Variants in ANO2 observed in about 807,000 individuals in gnomAD.
The protein encoded by ANO2 is anoctamin-2.
ANO2 carries 101 observed loss-of-function variants against 124.2 expected under a neutral mutation model. That is an observed-to-expected ratio of 0.81 (90% CI 0.69 to 0.96). The LOEUF (loss-of-function observed/expected upper bound fraction) is 0.96. ANO2 is among the 40% of genes least tolerant of loss of function. The pLI, the probability that ANO2 is intolerant of heterozygous loss-of-function variation, is 0.00. For missense variants in ANO2, 1,293 were observed against 1,274.5 expected (o/e 1.01, Z -0.22); for synonymous variants, 486 against 482.5 (o/e 1.01, Z -0.09).
intron 10 of ANO2, among the ~76,000 whole-genome samples, chr12:5,785,935 C>A (rs1474376778): frequency 6.6e-6 from 1 of 151,910 alleles, no homozygotes; most frequent in Non-Finnish European, 1.5e-5. Flanking sequence ...TGTGTCCCAA[C>A]AGGAAAACAC....
rs923786247 is a variant in ANO2, at chr12:5,718,858, C to T, written c.1545+13662G>A. Among the ~76,000 whole-genome samples the T allele has an allele frequency of 1.1e-4, 17 of 152,304 alleles. No homozygotes were observed. The South Asian group carries it at 1.2e-3, about 11-fold the overall frequency. ...ACTTGCTGGACTGCCCTTCCCTTGG[C>T]GGCCCCAATTTCCACCGTGCAGTTT... On this transcript the variant is annotated intron_variant, in intron 14 of 24. Transcript: ENST00000682330.
In ANO2 at chr12:5,927,079, G is replaced by GTT; in HGVS notation, c.23-4276_23-4275insAA. On this transcript the variant is annotated intron_variant, in intron 1 of 24. Coordinates refer to ENST00000682330, the MANE Select transcript of ANO2 (RefSeq NM_001364791.2). ...GTCTCTTCTCCACTTCATTCCAGCT[G>GTT]CTCTGCTTCAAGTCCCTGGAATTCC... Among the ~76,000 whole-genome samples, 5 of 152,142 alleles carry GTT rather than the reference G, an allele frequency of 3.3e-5. 1 individual carries two copies. The highest frequency in any genetic ancestry group is 3.3e-4 in the Admixed American group (5 of 15,272).
intron 14 of ANO2, among the ~76,000 whole-genome samples, chr12:5,665,373 G>A (rs1412314122): frequency 6.6e-6 from 1 of 152,126 alleles, no homozygotes; most frequent in Non-Finnish European, 1.5e-5. Context: ...CTCCACTGCT[G>A]GGTGGCAGGA....
At chr12:5,600,978 T>G (rs1943912012) in intron 19 of ANO2, among the ~76,000 whole-genome samples, 1 of 152,196 alleles carries the variant, frequency 6.6e-6, no homozygotes, top group Non-Finnish European at 1.5e-5. Context: ...AAATAATGTT[T>G]TGATCAGTTT....
intron 10 of ANO2, among the ~76,000 whole-genome samples, chr12:5,784,421 C>T (rs902703504): frequency 6.6e-6 from 1 of 152,180 alleles, no homozygotes; most frequent in African/African-American, 2.4e-5. Context: ...CTGGTTCCTG[C>T]CACAGTGTAA....
chr12:5,751,780 A>G (rs1035516817), intron 10 of ANO2, among the ~76,000 whole-genome samples: 1 of 152,238 alleles, frequency 6.6e-6, no homozygotes, highest in Non-Finnish European at 1.5e-5. Context: ...AGTATACAAT[A>G]CAGTATCATT....
intron 15 of ANO2, among the ~76,000 whole-genome samples, chr12:5,637,889 T>TGCAGA (rs1338591511): frequency 6.6e-6 from 1 of 152,152 alleles, no homozygotes; most frequent in African/African-American, 2.4e-5. Context: ...TGCAGGAACT[T>TGCAGA]GCAGAGTACC....
At chr12:5,922,595 C>A in intron 2 of ANO2, 25 bp downstream of exon 2, 2 of 1,481,838 alleles carry the variant, frequency 1.3e-6, no homozygotes, top group South Asian at 1.2e-5. Flanking sequence ...CCTATCCCCC[C>A]ACCCCACCCC....
Position 5,806,068 on chromosome 12 carries a change from T to C in ANO2, c.974A>G (p.Asp325Gly). ...HDGEYDSPEDDMNDRKLLYQE... is the reference protein window; with the variant it reads ...HDGEYDSPEDGMNDRKLLYQE... The stretch of plus-strand genomic sequence containing the variant: ...CAGGCTTACCTTCCTGTCATTCATA[T>C]CGTCCTCTGGACTATCGTATTCACC... Residue 325 changes from aspartate (D) to glycine (G), a missense_variant, in exon 9 of 25, where the codon GAT becomes GGT. Asp to Gly is a moderately conservative substitution (Grantham distance 94). Coordinates refer to ENST00000682330, the MANE Select transcript of ANO2 (RefSeq NM_001364791.2). 1 of 1,613,882 alleles carries C rather than the reference T, an allele frequency of 6.2e-7. No homozygotes were observed. Among genetic ancestry groups the C allele is most frequent in the Middle Eastern group, 1.6e-4 (1 of 6,062 alleles).
chr12:5,822,439 CT>C (rs1483379464), intron 7 of ANO2, among the ~76,000 whole-genome samples: 3 of 152,200 alleles, frequency 2.0e-5, no homozygotes, highest in Non-Finnish European at 2.9e-5. Context: ...CCAGCCACCC[CT>C]GTCATTGCTC....
chr12:5,669,153 G>A (rs1947872014), intron 14 of ANO2, among the ~76,000 whole-genome samples: 1 of 152,120 alleles, frequency 6.6e-6, no homozygotes, highest in Non-Finnish European at 1.5e-5. Flanking sequence ...TCACAATATT[G>A]ATTCTTCCTA....
In ANO2 at chr12:5,908,965, C is replaced by T. The variant is rs373642632; in HGVS notation, c.534+12075G>A. Among the ~76,000 whole-genome samples the T allele has an allele frequency of 1.3e-5, 2 of 152,278 alleles. No individual in the cohort carries two copies. The highest frequency in any genetic ancestry group is 4.8e-5 in the African/African-American group (2 of 41,562). ...GAGTCCACTCAGAACAAGGGTCATCCGCCTTTTGAGCAGAATGCATCATTA... is the reference window on the plus strand; with the variant it reads ...GAGTCCACTCAGAACAAGGGTCATCTGCCTTTTGAGCAGAATGCATCATTA... On this transcript the variant is annotated intron_variant, in intron 3 of 24. Transcript: ENST00000682330. The surrounding 1 kb of genome is among the most constrained non-coding windows in gnomAD (Gnocchi z 4.7).
intron 3 of ANO2, among the ~76,000 whole-genome samples, chr12:5,888,550 G>A (rs1939140891): frequency 6.6e-6 from 1 of 152,114 alleles, no homozygotes. Context: ...GCTGACTGGT[G>A]TGTTTACAAT....
At chr12:5,816,141 T>C in intron 7 of ANO2, among the ~76,000 whole-genome samples, 1 of 128,026 alleles carries the variant, frequency 7.8e-6, no homozygotes, top group African/African-American at 3.0e-5. Flanking sequence ...TCTCCCTTTC[T>C]CTCTCTCTCT....
intron 7 of ANO2, among the ~76,000 whole-genome samples, chr12:5,820,238 A>T (rs1953742990): frequency 6.6e-6 from 1 of 152,038 alleles, no homozygotes; most frequent in Non-Finnish European, 1.5e-5. Flanking sequence ...CCCCAAGGAG[A>T]CCTCCAGCCT....
chr12:5,778,078 T>A (rs1952281927), intron 10 of ANO2, among the ~76,000 whole-genome samples: 1 of 152,248 alleles, frequency 6.6e-6, no homozygotes, highest in Non-Finnish European at 1.5e-5. Flanking sequence ...TCCACTGTTA[T>A]AACAAAGCAG....
At chr12:5,804,096 C>T (rs535171186) in intron 9 of ANO2, among the ~76,000 whole-genome samples, 1 of 152,314 alleles carries the variant, frequency 6.6e-6, no homozygotes, top group Admixed American at 6.5e-5. Context: ...ATGCAGGGGT[C>T]CTTCCTTGCA....
Position 5,908,729 on chromosome 12 carries a change from G to A in ANO2, c.534+12311C>T, listed in dbSNP as rs541627681. On this transcript the variant is annotated intron_variant, in intron 3 of 24. Coordinates refer to ENST00000682330, the MANE Select transcript of ANO2 (RefSeq NM_001364791.2). The surrounding 1 kb of genome is among the most constrained non-coding windows in gnomAD (Gnocchi z 4.7). ...GAGGCCTCCTAAGTGCATCTGTCCC[G>A]CTCAGCAGACAGTGACACAGCTAAC... Among the ~76,000 whole-genome samples the A allele has an allele frequency of 2.6e-5, 4 of 152,302 alleles. No homozygotes were observed. The highest frequency in any genetic ancestry group is 4.8e-5 in the African/African-American group (2 of 41,552).
At chr12:5,685,236 A>G (rs1196049300) in intron 14 of ANO2, among the ~76,000 whole-genome samples, 1 of 152,190 alleles carries the variant, frequency 6.6e-6, no homozygotes, top group East Asian at 1.9e-4. Flanking sequence ...ATCAGGCTCA[A>G]TGGGCTGTCT....
Sources: gnomAD v4.1 joint callset for allele counts (sites outside exome capture counted in the v4.1 genomes callset) on GRCh38, gnomAD v4.1.1 for gene constraint, Gnocchi (gnomAD v3.1) non-coding constraint, MANE v1.5 for transcripts, NCBI Gene and HGNC (gene_info 2026-07-23, HGNC 2026-07-21) for gene names.